Variants in MAF observed in about 807,000 individuals in gnomAD.
The protein encoded by MAF is transcription factor Maf.
A neutral mutation model predicts 22.0 loss-of-function variants in MAF; 10 were observed. That is an observed-to-expected ratio of 0.45 (90% CI 0.28 to 0.77). The LOEUF (loss-of-function observed/expected upper bound fraction) is 0.77. Ranked by LOEUF, MAF falls within the 30% of genes least tolerant of loss-of-function variation. MAF has a pLI of 0.12. For missense variants in MAF, 544 were observed against 548.4 expected (o/e 0.99, Z 0.08); for synonymous variants, 337 against 255.8 (o/e 1.32, Z -3.03).
At chr16:79,370,239 A>AT in the MAF span, among the ~76,000 whole-genome samples, 2 of 152,140 alleles carry the variant, frequency 1.3e-5, no homozygotes, top group Non-Finnish European at 2.9e-5. Flanking sequence ...TTCAAAGGTA[A>AT]TTGGTTTTTT....
the MAF span, chr16:79,211,522 CTGCTAA>C: frequency 1.3e-6 from 2 of 1,574,808 alleles, no homozygotes; most frequent in Non-Finnish European, 8.7e-7. Flanking sequence ...TGGGGGAGGC[CTGCTAA>C]TGCCCAGGCA....
At chr16:79,447,595 T>G in the MAF span, among the ~76,000 whole-genome samples, 2 of 152,172 alleles carry the variant, frequency 1.3e-5, no homozygotes, top group Non-Finnish European at 2.9e-5. Context: ...ATTGAAAACC[T>G]TCTGGAAAGT....
chr16:79,529,238 C>A, the MAF span, among the ~76,000 whole-genome samples: 1 of 152,088 alleles, frequency 6.6e-6, no homozygotes, highest in Non-Finnish European at 1.5e-5. Context: ...CCTTCCCATG[C>A]GCCAAAAACC....
the MAF span, among the ~76,000 whole-genome samples, chr16:79,292,074 A>T: frequency 6.6e-6 from 1 of 152,046 alleles, no homozygotes; most frequent in Admixed American, 6.6e-5. Context: ...TCTCATCCTT[A>T]AAAAGAAGAC....
the MAF span, among the ~76,000 whole-genome samples, chr16:79,523,000 C>T: frequency 1.6e-3 from 243 of 152,176 alleles, 3 homozygotes; most frequent in East Asian, 0.032. Flanking sequence ...GGCAGAATGA[C>T]GGAAAGACAA....
chr16:79,478,579 C>A, the MAF span, among the ~76,000 whole-genome samples: 1 of 152,162 alleles, frequency 6.6e-6, no homozygotes. Flanking sequence ...CTTGTACCAT[C>A]CCAGAGAACC....
At chr16:79,485,345 C>G in the MAF span, among the ~76,000 whole-genome samples, 1 of 152,244 alleles carries the variant, frequency 6.6e-6, no homozygotes, top group Admixed American at 6.5e-5. Flanking sequence ...GATTGGCACA[C>G]AGGAAGTACT....
At chr16:79,246,170 A>C in the MAF span, among the ~76,000 whole-genome samples, 1 of 152,160 alleles carries the variant, frequency 6.6e-6, no homozygotes, top group Admixed American at 6.5e-5. Flanking sequence ...ACAAACCTGC[A>C]CATTCTGCGC....
the MAF span, among the ~76,000 whole-genome samples, chr16:79,319,568 G>GGGGC: frequency 6.6e-6 from 1 of 152,212 alleles, no homozygotes; most frequent in African/African-American, 2.4e-5. Flanking sequence ...TAGGTGGAAA[G>GGGGC]GGGCTGGGGG....
chr16:79,469,816 C>T, the MAF span, among the ~76,000 whole-genome samples: 14 of 152,010 alleles, frequency 9.2e-5, no homozygotes, highest in African/African-American at 3.1e-4. Flanking sequence ...AGGCTGGTCT[C>T]GAACTCCTGA....
chr16:79,554,130 A>AAC, the MAF span, among the ~76,000 whole-genome samples: 17 of 79,800 alleles, frequency 2.1e-4, no homozygotes, highest in Middle Eastern at 5.6e-3. Flanking sequence ...AACAAACAAA[A>AAC]CCACCAAACC....
the MAF span, among the ~76,000 whole-genome samples, chr16:79,530,789 T>C: frequency 2.0e-5 from 3 of 152,358 alleles, no homozygotes; most frequent in Middle Eastern, 3.4e-3. Context: ...AAATCAGTCA[T>C]AGATATCTCT....
At chr16:79,466,455 G>C in the MAF span, among the ~76,000 whole-genome samples, 1 of 152,152 alleles carries the variant, frequency 6.6e-6, no homozygotes, top group African/African-American at 2.4e-5. Context: ...AAATATTCAA[G>C]CATCTTGAGT....
chr16:79,215,007 G>C, the MAF span, among the ~76,000 whole-genome samples: 4 of 152,054 alleles, frequency 2.6e-5, no homozygotes, highest in African/African-American at 9.7e-5. Context: ...ACCATGCTTG[G>C]CTATTACATC....
At chr16:79,258,095 A>G in the MAF span, among the ~76,000 whole-genome samples, 1 of 152,160 alleles carries the variant, frequency 6.6e-6, no homozygotes, top group Non-Finnish European at 1.5e-5. Context: ...AGCCCTTATC[A>G]TTATTTCTGT....
the MAF span, among the ~76,000 whole-genome samples, chr16:79,481,691 C>G: frequency 6.6e-6 from 1 of 151,702 alleles, no homozygotes; most frequent in Non-Finnish European, 1.5e-5. Flanking sequence ...TACCTATCCA[C>G]CCATTCAGCC....
At chr16:79,337,499 C>T in the MAF span, among the ~76,000 whole-genome samples, 6 of 152,108 alleles carry the variant, frequency 3.9e-5, 1 homozygote, top group South Asian at 2.1e-4. Context: ...ACCTGGGAGG[C>T]GGAGGTTGCA....
the MAF span, among the ~76,000 whole-genome samples, chr16:79,485,472 G>T: frequency 6.6e-6 from 1 of 152,086 alleles, no homozygotes; most frequent in Non-Finnish European, 1.5e-5. Flanking sequence ...GCTCCTTGAG[G>T]ACCAGAGCTG....
the MAF span, chr16:79,516,227 C>T: frequency 2.0e-5 from 3 of 152,108 alleles, no homozygotes; most frequent in South Asian, 2.1e-4. Context: ...GGTCCAGCAT[C>T]GGGATTTAGG....
Sources: gnomAD v4.1 joint callset for allele counts (sites outside exome capture counted in the v4.1 genomes callset) on GRCh38, gnomAD v4.1.1 for gene constraint, MANE v1.5 for transcripts, NCBI Gene and HGNC (gene_info 2026-07-23, HGNC 2026-07-21) for gene names.